Variants in ARHGEF7 observed in about 807,000 individuals in gnomAD.
The protein encoded by ARHGEF7 is PAK-interacting exchange factor beta.
ARHGEF7 carries 33 observed loss-of-function variants against 109.8 expected under a neutral mutation model. That is an observed-to-expected ratio of 0.30 (90% confidence interval 0.23 to 0.40). The LOEUF (loss-of-function observed/expected upper bound fraction) is 0.40. Among genes scored for constraint, ARHGEF7 ranks in the 10% least tolerant of loss-of-function variants. ARHGEF7 has a pLI of 1.00. For synonymous variants in ARHGEF7, 458 were observed against 424.6 expected, an observed-to-expected ratio of 1.08 and a Z score of -0.97; for missense variants, 938 against 1,098.5, an observed-to-expected ratio of 0.85 and a Z score of 2.07.
chr13:111,146,582 C>G (rs1286915270), intron 1 of ARHGEF7, among the ~76,000 whole-genome samples: 3 of 152,196 alleles, frequency 2.0e-5, no homozygotes, highest in Non-Finnish European at 2.9e-5. Context: ...TACTGGTGAT[C>G]TTAATTGTTG....
In ARHGEF7 at chr13:111,273,123, T is replaced by C. The variant is rs1395653130; in HGVS notation, c.1074-691T>C. 2.0e-5 allele frequency among the ~76,000 whole-genome samples: 3 copies of C among 152,234 alleles called. No homozygotes were observed. The highest frequency in any genetic ancestry group is 4.4e-5 in the Non-Finnish European group (3 of 68,036). ...AGGGACACCTTCCTTCCTTACGTGT[T>C]GTGAGGATTGAATGTAACAATGCTT... On this transcript the variant is annotated intron_variant, in intron 9 of 21. Coordinates refer to ENST00000646102, the MANE Select transcript of ARHGEF7 (RefSeq NM_001354046.2). The surrounding 1 kb of genome is among the most constrained non-coding windows in gnomAD (Gnocchi z 4.5).
intron 8 of ARHGEF7, among the ~76,000 whole-genome samples, chr13:111,256,024 A>G (rs1184768211): frequency 6.6e-6 from 1 of 152,108 alleles, no homozygotes; most frequent in African/African-American, 2.4e-5. Context: ...TTTTTTCCTA[A>G]AATAGCTGGA....
intron 1 of ARHGEF7, among the ~76,000 whole-genome samples, chr13:111,139,180 C>T (rs1268274198): frequency 6.6e-6 from 1 of 152,272 alleles, no homozygotes; most frequent in Non-Finnish European, 1.5e-5. Flanking sequence ...TGAACTTGAT[C>T]GAGGACTCAT....
chr13:111,144,681 CT>C (rs1394699284), intron 1 of ARHGEF7: 1 of 152,210 alleles, frequency 6.6e-6, no homozygotes, highest in African/African-American at 2.4e-5. Flanking sequence ...GATTTCAAAC[CT>C]ACCACTGCAT....
chr13:111,154,105 T>G (rs2076100802), intron 2 of ARHGEF7, 114 bp downstream of exon 2: 1 of 1,092,714 alleles, frequency 9.2e-7, no homozygotes, highest in Non-Finnish European at 1.3e-6. Context: ...GATCCGACCC[T>G]CCCCGGCTGC....
chr13:111,209,142 C>T (rs1453700597), intron 3 of ARHGEF7: 5 of 152,174 alleles, frequency 3.3e-5, no homozygotes, highest in African/African-American at 7.2e-5. Context: ...TGGCCGGGCA[C>T]GTGCCTCTCA....
intron 1 of ARHGEF7, among the ~76,000 whole-genome samples, chr13:111,135,367 T>C (rs1254420593): frequency 6.6e-6 from 1 of 152,194 alleles, no homozygotes; most frequent in Non-Finnish European, 1.5e-5. Flanking sequence ...GGGGATGGCA[T>C]TGAATCTATA....
chr13:111,142,745 T>G (rs2075404745), intron 1 of ARHGEF7, among the ~76,000 whole-genome samples: 1 of 152,192 alleles, frequency 6.6e-6, no homozygotes, highest in African/African-American at 2.4e-5. Context: ...TTCACTTTCT[T>G]CCTCTGGGTG....
intron 1 of ARHGEF7, among the ~76,000 whole-genome samples, chr13:111,116,096 A>C (rs1355560359): frequency 6.6e-6 from 1 of 152,098 alleles, no homozygotes; most frequent in Non-Finnish European, 1.5e-5. Context: ...CTTTGTGTGG[A>C]CAGTTCTTGC....
chr13:111,205,177 C>CG, intron 2 of ARHGEF7, 112 bp from the exon 3 acceptor site: 1 of 725,766 alleles, frequency 1.4e-6, no homozygotes. Context: ...GCAGGTTGTG[C>CG]GGTCTCCTTA....
chr13:111,129,218 AT>A (rs2074611623), intron 1 of ARHGEF7, among the ~76,000 whole-genome samples: 1 of 152,212 alleles, frequency 6.6e-6, no homozygotes, highest in Non-Finnish European at 1.5e-5. Flanking sequence ...CTAAAAATGA[AT>A]CATAGATCTA....
intron 1 of ARHGEF7, among the ~76,000 whole-genome samples, chr13:111,127,577 G>C (rs2067652718): frequency 6.7e-6 from 1 of 148,342 alleles, no homozygotes; most frequent in East Asian, 2.0e-4. Flanking sequence ...AGCCTGGGAG[G>C]TTGAGGCTGC....
intron 2 of ARHGEF7, among the ~76,000 whole-genome samples, chr13:111,196,476 G>C (rs988381243): frequency 6.6e-6 from 1 of 152,198 alleles, no homozygotes; most frequent in Non-Finnish European, 1.5e-5. Flanking sequence ...GTTTGCCCTA[G>C]ACCCTGTAGG....
intron 1 of ARHGEF7, chr13:111,153,624 C>CG (rs2076035708): frequency 3.4e-6 from 4 of 1,185,382 alleles, no homozygotes; most frequent in East Asian, 4.8e-5. Context: ...CGCGGGCCGG[C>CG]GGGGGCGCGG....
intron 4 of ARHGEF7, among the ~76,000 whole-genome samples, chr13:111,214,175 G>A (rs2082838883): frequency 2.0e-5 from 3 of 152,314 alleles, no homozygotes; most frequent in African/African-American, 7.2e-5. Context: ...CAGTAGGCGT[G>A]CCTCCCTCAC....
chr13:111,120,656 C>T (rs1475614624), intron 1 of ARHGEF7, among the ~76,000 whole-genome samples: 1 of 152,238 alleles, frequency 6.6e-6, no homozygotes, highest in Non-Finnish European at 1.5e-5. Flanking sequence ...GGACCCGGCC[C>T]TCATTCTATT....
chr13:111,274,620 A>G, intron 10 of ARHGEF7, 111 bp from the exon 11 acceptor site: 1 of 485,428 alleles, frequency 2.1e-6, no homozygotes, highest in Non-Finnish European at 3.6e-6. Context: ...GAAAAAGGGA[A>G]TGTTAAGGGT....
intron 8 of ARHGEF7, among the ~76,000 whole-genome samples, chr13:111,259,868 A>G (rs2090895361): frequency 6.6e-6 from 1 of 152,258 alleles, no homozygotes; most frequent in South Asian, 2.1e-4. Context: ...ATGAAATTCA[A>G]GATGACACAG....
rs2093613458 is a variant in ARHGEF7, at chr13:111,303,772, A to T, written c.*659A>T. On this transcript the variant is annotated 3_prime_UTR_variant, in exon 22 of 22. Transcript: ENST00000646102. ...CTGAGGGCAACTTGCTGGCTGACAG[A>T]CTCAGTCTTGACCTCAAGGAAGGCC... 1 of 152,202 alleles carries T rather than the reference A, an allele frequency of 6.6e-6. No individual in the cohort carries two copies. Among genetic ancestry groups the T allele is most frequent in the Non-Finnish European group, 1.5e-5 (1 of 68,064 alleles). 9.4% of individuals were successfully genotyped at this position (152,202 alleles called of 1,614,324 possible). A position where few individuals can be genotyped will look rare whatever the true frequency, so the allele number is the denominator to read the frequency against.
Sources: gnomAD v4.1 joint callset for allele counts (sites outside exome capture counted in the v4.1 genomes callset) on GRCh38, gnomAD v4.1.1 for gene constraint, Gnocchi (gnomAD v3.1) non-coding constraint, MANE v1.5 for transcripts, NCBI Gene and HGNC (gene_info 2026-07-23, HGNC 2026-07-21) for gene names.